Variants in IKBKB-DT observed in about 807,000 individuals in gnomAD.
IKBKB-DT encodes IKBKB antisense RNA.
At chr8:42,265,017 C>T (rs753958813) in intron 2 of IKBKB-DT, among the ~76,000 whole-genome samples, 3 of 151,826 alleles carry the variant, frequency 2.0e-5, no homozygotes, top group Non-Finnish European at 2.9e-5. Flanking sequence ...TGCTTGCCAC[C>T]ACGCCCAGCT....
intron 3 of IKBKB-DT, among the ~76,000 whole-genome samples, chr8:42,255,020 T>C (rs181784728): frequency 7.7e-4 from 111 of 144,660 alleles, no homozygotes; most frequent in Middle Eastern, 4.3e-3. Flanking sequence ...CCATCTGGGA[T>C]GTGAGGAGCG....
chr8:42,241,224 C>CTTTTTTTTTTTTTTTTT lies in IKBKB-DT; in HGVS notation n.1530-7382_1530-7366dup, dbSNP rs773177896. 1.8e-4 allele frequency among the ~76,000 whole-genome samples: 8 copies of CTTTTTTTTTTTTTTTTT among 45,694 alleles called. 3 individuals carry two copies. The highest frequency in any genetic ancestry group is 3.2e-4 in the Non-Finnish European group (7 of 22,100). The allele number at this position is 45,694 out of a possible 152,430, so 30.0% of individuals were successfully genotyped here. A position where few individuals can be genotyped will look rare whatever the true frequency, so the allele number is the denominator to read the frequency against. On this transcript the variant is annotated intron_variant and non_coding_transcript_variant, in intron 3 of 3. Coordinates refer to ENST00000518213, the Ensembl canonical transcript of IKBKB-DT. ...TTGATGCCTTTAGATATGTTGGAAT[C>CTTTTTTTTTTTTTTTTT]TTTTTTTTTTTTTTTTTTTTTTTTT...
intron 3 of IKBKB-DT, among the ~76,000 whole-genome samples, chr8:42,256,146 A>C (rs1405410458): frequency 6.6e-6 from 1 of 152,142 alleles, no homozygotes; most frequent in African/African-American, 2.4e-5. Context: ...AAAAGGATAA[A>C]TGTTTCAATT....
intron 3 of IKBKB-DT, among the ~76,000 whole-genome samples, chr8:42,253,322 C>G (rs1238439609): frequency 6.6e-6 from 1 of 152,154 alleles, no homozygotes; most frequent in East Asian, 1.9e-4. Flanking sequence ...ATGTATTTCT[C>G]AAATGTATTT....
chr8:42,260,668 CAAAA>C (rs771731696), intron 3 of IKBKB-DT, among the ~76,000 whole-genome samples: 18 of 44,910 alleles, frequency 4.0e-4, no homozygotes, highest in African/African-American at 8.5e-4. Flanking sequence ...GACTCTGTCT[CAAAA>C]AAAAAAAAAA....
intron 3 of IKBKB-DT, among the ~76,000 whole-genome samples, chr8:42,247,794 C>T (rs1350996821): frequency 3.3e-5 from 5 of 152,034 alleles, no homozygotes; most frequent in African/African-American, 7.3e-5. Flanking sequence ...TTCCTGCTGC[C>T]TTGTGAAGAA....
chr8:42,235,119 C>T lies in IKBKB-DT; in HGVS notation n.1530-1260G>A, dbSNP rs78350012. On this transcript the variant is annotated intron_variant and non_coding_transcript_variant, in intron 3 of 3. Coordinates refer to ENST00000518213, the Ensembl canonical transcript of IKBKB-DT. Reference sequence around the variant, plus strand: ...ATAACATCACTACTCTAGAACCTAACATTGGCCTTTTGATGTCAATTTTTT... The same window carrying T: ...ATAACATCACTACTCTAGAACCTAATATTGGCCTTTTGATGTCAATTTTTT... Among the ~76,000 whole-genome samples, 1,328 of 150,572 alleles carry T rather than the reference C, an allele frequency of 8.8e-3. 7 individuals carry two copies. Among genetic ancestry groups the T allele is most frequent in the Middle Eastern group, 0.02 (6 of 294 alleles).
chr8:42,239,901 A>T (rs1806978533), intron 3 of IKBKB-DT, among the ~76,000 whole-genome samples: 2 of 151,648 alleles, frequency 1.3e-5, no homozygotes, highest in Non-Finnish European at 2.9e-5. Context: ...AGCCTCCCAA[A>T]GTGTTGGGAT....
intron 3 of IKBKB-DT, among the ~76,000 whole-genome samples, chr8:42,253,182 C>T (rs1286683098): frequency 1.3e-5 from 2 of 152,180 alleles, no homozygotes. Flanking sequence ...TTTATCTTAA[C>T]CTGAACATTT....
At chr8:42,251,313 C>T (rs1319108144) in intron 3 of IKBKB-DT, among the ~76,000 whole-genome samples, 1 of 152,220 alleles carries the variant, frequency 6.6e-6, no homozygotes, top group African/African-American at 2.4e-5. Flanking sequence ...CTGTATCCTG[C>T]ATCCATTGGC....
At chr8:42,252,471 G>C (rs1670621302) in intron 3 of IKBKB-DT, among the ~76,000 whole-genome samples, 1 of 152,158 alleles carries the variant, frequency 6.6e-6, no homozygotes, top group Non-Finnish European at 1.5e-5. Flanking sequence ...TATTACCCCA[G>C]ATGAGCAACA....
chr8:42,245,068 T>C (rs1585461456), intron 3 of IKBKB-DT, among the ~76,000 whole-genome samples: 1 of 150,982 alleles, frequency 6.6e-6, no homozygotes, highest in Non-Finnish European at 1.5e-5. Context: ...GTCAACATGG[T>C]GAAACCCCGT....
At chr8:42,235,368 C>A (rs1384963013) in intron 3 of IKBKB-DT, among the ~76,000 whole-genome samples, 1 of 151,780 alleles carries the variant, frequency 6.6e-6, no homozygotes, top group East Asian at 1.9e-4. Context: ...CCACGCCCAG[C>A]TAATTTTTTG....
At chr8:42,245,852 A>G (rs1258533106) in intron 3 of IKBKB-DT, among the ~76,000 whole-genome samples, 6 of 152,218 alleles carry the variant, frequency 3.9e-5, no homozygotes, top group Non-Finnish European at 1.5e-5. Flanking sequence ...CTCTTGACAT[A>G]TAAAAGGATG....
At chr8:42,240,624 C>CAA (rs1208809199) in intron 3 of IKBKB-DT, among the ~76,000 whole-genome samples, 676 of 26,372 alleles carry the variant, frequency 0.026, 129 homozygotes, top group African/African-American at 0.11. Context: ...GACTCAGTCT[C>CAA]AAAAAAAAAA....
Position 42,257,930 on chromosome 8 carries a change from CT to C in IKBKB-DT, n.1529+5398del, listed in dbSNP as rs771867322. 6.2e-3 allele frequency among the ~76,000 whole-genome samples: 869 copies of C among 140,262 alleles called. 1 individual carries two copies. The highest frequency in any genetic ancestry group is 0.022 in the Middle Eastern group (6 of 270). The allele number at this position is 140,262 out of a possible 152,430, so 92.0% of individuals were successfully genotyped here. ...TAATTACAGAAAGGTATACAGTTTT[CT>C]TTTTTTTTTTTTTAGCTTAGCTCTT... On this transcript the variant is annotated intron_variant and non_coding_transcript_variant, in intron 3 of 3. Transcript: ENST00000518213.
chr8:42,252,446 G>A (rs1236264090), intron 3 of IKBKB-DT, among the ~76,000 whole-genome samples: 2 of 152,124 alleles, frequency 1.3e-5, no homozygotes, highest in Non-Finnish European at 2.9e-5. Context: ...TTGGTGTGAG[G>A]CAATGAACCT....
intron 3 of IKBKB-DT, among the ~76,000 whole-genome samples, chr8:42,248,503 G>T (rs765417314): frequency 6.6e-6 from 1 of 152,154 alleles, no homozygotes; most frequent in Non-Finnish European, 1.5e-5. Context: ...CAATGTTACT[G>T]CTCTTTTTAC....
intron 3 of IKBKB-DT, among the ~76,000 whole-genome samples, chr8:42,250,618 G>A (rs1258159349): frequency 6.6e-6 from 1 of 152,242 alleles, no homozygotes; most frequent in Non-Finnish European, 1.5e-5. Context: ...GCAGCCAGAA[G>A]GCCAAAGACA....
Sources: gnomAD v4.1 joint callset for allele counts (sites outside exome capture counted in the v4.1 genomes callset) on GRCh38, gnomAD v4.1.1 for gene constraint, MANE v1.5 for transcripts, NCBI Gene and HGNC (gene_info 2026-07-23, HGNC 2026-07-21) for gene names.